Variants in FMNL2 observed in about 807,000 individuals in gnomAD.
FMNL2 encodes the protein formin-like protein 2.
A neutral mutation model predicts 130.2 loss-of-function variants in FMNL2; 51 were observed. That is an observed-to-expected ratio of 0.39 (90% CI 0.31 to 0.49). The LOEUF (loss-of-function observed/expected upper bound fraction) is 0.49. Among genes scored for constraint, FMNL2 ranks in the 20% least tolerant of loss-of-function variants. The pLI is 0.85. For synonymous variants in FMNL2, 465 were observed against 467.1 expected (o/e 1.00, Z 0.06); for missense variants, 977 against 1,316.2 (o/e 0.74, Z 3.99).
At chr2:152,646,258 G>A (rs2105989805) in intron 25 of FMNL2, among the ~76,000 whole-genome samples, 1 of 152,050 alleles carries the variant, frequency 6.6e-6, no homozygotes, top group Non-Finnish European at 1.5e-5. Flanking sequence ...CTTGAGCCCA[G>A]GAGGTGGATG....
chr2:152,631,930 G>C (rs756025779), intron 20 of FMNL2, 78 bp from the exon 21 acceptor site: 19 of 1,473,798 alleles, frequency 1.3e-5, no homozygotes, highest in Non-Finnish European at 1.7e-5. Context: ...GACTCTGGGT[G>C]GGAAATCGTC....
At chr2:152,547,096 C>T (rs1012208789) in intron 3 of FMNL2, among the ~76,000 whole-genome samples, 2 of 152,104 alleles carry the variant, frequency 1.3e-5, no homozygotes, top group Non-Finnish European at 2.9e-5. Flanking sequence ...CAGGCTTGTG[C>T]TACCATGCCT....
At chr2:152,385,073 C>T (rs1282843342) in intron 1 of FMNL2, among the ~76,000 whole-genome samples, 1 of 152,200 alleles carries the variant, frequency 6.6e-6, no homozygotes, top group East Asian at 1.9e-4. Context: ...GAATTTTAAT[C>T]TAGAGGCTCC....
At chr2:152,375,877 C>CTCTCTCTCTCTCTCTA (rs796954245) in intron 1 of FMNL2, among the ~76,000 whole-genome samples, 5 of 112,478 alleles carry the variant, frequency 4.4e-5, no homozygotes, top group East Asian at 1.1e-3. Context: ...CTCTCTCTCT[C>CTCTCTCTCTCTCTCTA]TATATATATA....
intron 15 of FMNL2, among the ~76,000 whole-genome samples, chr2:152,621,381 A>G (rs1486131291): frequency 6.6e-6 from 1 of 152,208 alleles, no homozygotes; most frequent in East Asian, 1.9e-4. Context: ...TGATTGATCT[A>G]TTTATTAATT....
chr2:152,379,356 C>T (rs940387151), intron 1 of FMNL2, among the ~76,000 whole-genome samples: 2 of 152,200 alleles, frequency 1.3e-5, no homozygotes, highest in African/African-American at 2.4e-5. Flanking sequence ...GCTGGATAGT[C>T]TTCTTGCAGT....
In FMNL2 at chr2:152,362,945, A is replaced by G. The variant is rs955135167; in HGVS notation, c.117+27225A>G. ...AGAAGCCAGTCACAAAAGATTACAT[A>G]TTACATGATTCCATTTATGTGAAAT... On this transcript the variant is annotated intron_variant, in intron 1 of 25. Transcript: ENST00000288670. Among the ~76,000 whole-genome samples, 8 of 152,212 alleles carry G rather than the reference A, an allele frequency of 5.3e-5. No individual in the cohort carries two copies. In the South Asian group the frequency reaches 8.3e-4, roughly 16 times the overall value.
intron 1 of FMNL2, among the ~76,000 whole-genome samples, chr2:152,428,530 C>A (rs914936339): frequency 6.6e-6 from 1 of 152,118 alleles, no homozygotes; most frequent in African/African-American, 2.4e-5. Context: ...TAGCTTATTG[C>A]ATAATTTAAG....
rs932333353 is a variant in FMNL2, at chr2:152,614,493, C to T, written c.1063-358C>T. On this transcript the variant is annotated intron_variant, in intron 11 of 25. Transcript: ENST00000288670. ...GGTGTGGTGGCTCACGCCTGTAATC[C>T]CAGCACTTTGGGAGGCTGAGCCGGG... is the stretch of plus-strand genomic sequence containing the variant. Among the ~76,000 whole-genome samples the T allele has an allele frequency of 2.6e-5, 4 of 152,198 alleles. No individual in the cohort carries two copies. In the South Asian group the frequency reaches 6.2e-4, roughly 24 times the overall value.
chr2:152,457,630 T>G (rs1235977293), intron 1 of FMNL2, among the ~76,000 whole-genome samples: 1 of 152,268 alleles, frequency 6.6e-6, no homozygotes, highest in African/African-American at 2.4e-5. Context: ...AAGAAAAAAA[T>G]GACCAAAAGA....
chr2:152,500,570 C>A (rs541545101), intron 1 of FMNL2, among the ~76,000 whole-genome samples: 1 of 152,212 alleles, frequency 6.6e-6, no homozygotes, highest in Non-Finnish European at 1.5e-5. Context: ...GAGCATCAAG[C>A]CGGGTGCGAT....
chr2:152,465,391 C>T (rs964863206), intron 1 of FMNL2, among the ~76,000 whole-genome samples: 2 of 152,136 alleles, frequency 1.3e-5, no homozygotes, highest in Non-Finnish European at 2.9e-5. Context: ...TTTGGAAATA[C>T]TTGGCTGGGA....
intron 9 of FMNL2, among the ~76,000 whole-genome samples, chr2:152,595,830 T>A (rs1697737773): frequency 6.8e-6 from 1 of 147,196 alleles, no homozygotes; most frequent in African/African-American, 2.6e-5. Context: ...TCTAGCCTTA[T>A]AATGAGTCTA....
At chr2:152,434,302 A>G (rs568523511) in intron 1 of FMNL2, among the ~76,000 whole-genome samples, 31 of 152,344 alleles carry the variant, frequency 2.0e-4, no homozygotes, top group Non-Finnish European at 1.2e-4. Flanking sequence ...TAAAATTTAC[A>G]AATGGCAGGG....
chr2:152,412,386 T>G (rs1402178726), intron 1 of FMNL2, among the ~76,000 whole-genome samples: 2 of 145,672 alleles, frequency 1.4e-5, no homozygotes, highest in Non-Finnish European at 3.0e-5. Flanking sequence ...AGGGAATATT[T>G]TCTGATTCTG....
At chr2:152,642,129 A>ATGGGGT (rs1464829470) in intron 25 of FMNL2, among the ~76,000 whole-genome samples, 3 of 152,060 alleles carry the variant, frequency 2.0e-5, no homozygotes, top group Non-Finnish European at 4.4e-5. Flanking sequence ...TGTAGTAGAG[A>ATGGGGT]TGGGGTTTCA....
intron 1 of FMNL2, among the ~76,000 whole-genome samples, chr2:152,514,180 TGGTA>T (rs1329111591): frequency 2.6e-5 from 4 of 152,114 alleles, no homozygotes; most frequent in African/African-American, 9.7e-5. Flanking sequence ...GTCCCAATAA[TGGTA>T]TAAGGAAAAA....
chr2:152,357,623 T>C (rs1682907873), intron 1 of FMNL2, among the ~76,000 whole-genome samples: 1 of 147,142 alleles, frequency 6.8e-6, no homozygotes, highest in Non-Finnish European at 1.5e-5. Context: ...TGTATAACGA[T>C]AAATATTAAA....
At chr2:152,543,931 C>T (rs138794453) in intron 3 of FMNL2, among the ~76,000 whole-genome samples, 1 of 152,200 alleles carries the variant, frequency 6.6e-6, no homozygotes, top group African/African-American at 2.4e-5. Flanking sequence ...AATCCAGGAA[C>T]GTACCTGTCA....
Sources: gnomAD v4.1 joint callset for allele counts (sites outside exome capture counted in the v4.1 genomes callset) on GRCh38, gnomAD v4.1.1 for gene constraint, MANE v1.5 for transcripts, NCBI Gene and HGNC (gene_info 2026-07-23, HGNC 2026-07-21) for gene names.